The following ZFPM2 variants were observed in gnomAD, a reference collection of about 807,000 sequenced individuals.
The protein encoded by ZFPM2 is zinc finger protein, FOG family member 2.
A neutral mutation model predicts 98.6 loss-of-function variants in ZFPM2; 20 were observed. The ratio of observed to expected loss-of-function variants is 0.20; its 90% CI spans 0.14 to 0.29. The LOEUF (loss-of-function observed/expected upper bound fraction) is 0.29. ZFPM2 is among the 10% of genes least tolerant of loss of function. The pLI is 1.00. For synonymous variants in ZFPM2, 518 were observed against 502.7 expected (o/e 1.03, Z -0.41); for missense variants, 1,310 against 1,388.6 (o/e 0.94, Z 0.90).
chr8:105,636,223 T>C (rs1816844757), intron 5 of ZFPM2, among the ~76,000 whole-genome samples: 1 of 152,142 alleles, frequency 6.6e-6, no homozygotes, highest in Non-Finnish European at 1.5e-5. Context: ...TATAACAGAA[T>C]TGGAATTCTA....
intron 4 of ZFPM2, among the ~76,000 whole-genome samples, chr8:105,625,185 T>C (rs1816628718): frequency 6.6e-6 from 1 of 152,210 alleles, no homozygotes; most frequent in African/African-American, 2.4e-5. Flanking sequence ...TCACATATTT[T>C]CTAATTTAGG....
intron 4 of ZFPM2, among the ~76,000 whole-genome samples, chr8:105,611,545 C>T (rs1256668504): frequency 6.6e-6 from 1 of 152,044 alleles, no homozygotes; most frequent in East Asian, 1.9e-4. Flanking sequence ...GGCTCAAAAA[C>T]TCCAAGGATC....
chr8:105,498,152 C>G (rs1813514534), intron 3 of ZFPM2, among the ~76,000 whole-genome samples: 2 of 151,816 alleles, frequency 1.3e-5, no homozygotes, highest in South Asian at 2.1e-4. Flanking sequence ...GAGCTTTGAT[C>G]ATACCACTGC....
At chr8:105,780,965 GAAACA>G (rs1813230662) in intron 5 of ZFPM2, among the ~76,000 whole-genome samples, 1 of 152,238 alleles carries the variant, frequency 6.6e-6, no homozygotes, top group Non-Finnish European at 1.5e-5. Flanking sequence ...ACACTCCTGT[GAAACA>G]TTTGATCATC....
chr8:105,358,327 C>T (rs753746540), intron 1 of ZFPM2, among the ~76,000 whole-genome samples: 4 of 151,538 alleles, frequency 2.6e-5, no homozygotes, highest in Admixed American at 6.6e-5. Context: ...GATCTCAGCT[C>T]ACCATGCCTG....
At chr8:105,722,490 T>TTAACTACTG (rs1239462304) in intron 5 of ZFPM2, among the ~76,000 whole-genome samples, 1 of 151,928 alleles carries the variant, frequency 6.6e-6, no homozygotes, top group Non-Finnish European at 1.5e-5. Context: ...GATAACCTAC[T>TTAACTACTG]ATTGACCAAA....
intron 5 of ZFPM2, among the ~76,000 whole-genome samples, chr8:105,748,150 ACCT>A (rs1812391112): frequency 6.6e-6 from 1 of 152,058 alleles, no homozygotes. Flanking sequence ...GACCACACAC[ACCT>A]ATGATAAAAG....
chr8:105,507,673 T>C (rs1197741409), intron 3 of ZFPM2, among the ~76,000 whole-genome samples: 10 of 152,206 alleles, frequency 6.6e-5, no homozygotes, highest in Non-Finnish European at 1.2e-4. Context: ...CTAATAGAAT[T>C]ATACTGTTTC....
At chr8:105,351,098 G>A (rs1263131426) in intron 1 of ZFPM2, among the ~76,000 whole-genome samples, 3 of 150,274 alleles carry the variant, frequency 2.0e-5, no homozygotes, top group East Asian at 2.0e-4. Flanking sequence ...CAGGAGAATC[G>A]CTTGAACCTG....
chr8:105,335,461 A>T (rs1218406844), intron 1 of ZFPM2, among the ~76,000 whole-genome samples: 2 of 151,814 alleles, frequency 1.3e-5, no homozygotes, highest in Admixed American at 6.6e-5. Flanking sequence ...TTATACAATG[A>T]CTTTATGCAA....
chr8:105,386,118 G>A (rs1044626496), intron 1 of ZFPM2, among the ~76,000 whole-genome samples: 2 of 152,126 alleles, frequency 1.3e-5, no homozygotes, highest in African/African-American at 4.8e-5. Context: ...AGTAAGTGGG[G>A]GCAGGAGGGC....
chr8:105,394,996 C>CT (rs1255586962), intron 1 of ZFPM2, among the ~76,000 whole-genome samples: 1 of 152,114 alleles, frequency 6.6e-6, no homozygotes, highest in African/African-American at 2.4e-5. Flanking sequence ...TGGGTAGTGT[C>CT]TGTGACTAGA....
chr8:105,701,516 A>G (rs994505288), intron 5 of ZFPM2, among the ~76,000 whole-genome samples: 9 of 152,246 alleles, frequency 5.9e-5, no homozygotes, highest in African/African-American at 2.2e-4. Flanking sequence ...AAAAATGAAA[A>G]TGTGTCTTTA....
chr8:105,494,183 GTATATATATATATATATA>G (rs61035457), intron 3 of ZFPM2, among the ~76,000 whole-genome samples: 661 of 60,012 alleles, frequency 0.011, 28 homozygotes, highest in African/African-American at 0.031. Flanking sequence ...GCCACCAAAA[GTATATATATATATATATA>G]TATATATATA....
Position 105,802,087 on chromosome 8 carries a change from G to A in ZFPM2, c.2005G>A (p.Asp669Asn). The A allele has an allele frequency of 1.9e-6, 3 of 1,613,758 alleles. No homozygotes were observed. Among genetic ancestry groups the A allele is most frequent in the Non-Finnish European group, 1.7e-6 (2 of 1,179,844 alleles). Residue 669 changes from aspartate to asparagine, a missense_variant, in exon 8 of 8, where the codon GAT (aspartate) becomes AAT (asparagine). Physicochemically the swap from Asp to Asn is conservative, Grantham distance 23. Coordinates refer to ENST00000407775, the MANE Select transcript of ZFPM2 (RefSeq NM_012082.4). ...TGACAAAATTAATGGAAAACCTGTT[G>A]ATGTGAAAAATCCCAGTGTCCCCTT... is the stretch of plus-strand genomic sequence containing the variant. ...NDDKINGKPV[D>N]VKNPSVPLVD...
At chr8:105,663,062 G>A (rs1162554841) in intron 5 of ZFPM2, 1 of 152,194 alleles carries the variant, frequency 6.6e-6, no homozygotes, top group African/African-American at 2.4e-5. Context: ...TGCTGACATG[G>A]TGCCTGATAG....
At chr8:105,413,934 T>C (rs1811629648) in intron 1 of ZFPM2, among the ~76,000 whole-genome samples, 1 of 151,996 alleles carries the variant, frequency 6.6e-6, no homozygotes, top group African/African-American at 2.4e-5. Flanking sequence ...ATTCACCTAG[T>C]GGAATTTCTG....
Position 105,803,256 on chromosome 8 carries a change from A to G in ZFPM2, c.3174A>G (p.Pro1058=), listed in dbSNP as rs760602893. The change falls in exon 8 of 8, where the codon CCA becomes CCG. Residue 1058 remains proline (P), a synonymous_variant. Transcript: ENST00000407775. ...LKQDERPAAN[P]QQENISQNPQ... Reference sequence around the variant, plus strand: ...AAGATGAGAGACCTGCTGCCAACCCACAGCAAGAGAACATTTCCCAGAATC... The same window carrying G: ...AAGATGAGAGACCTGCTGCCAACCCGCAGCAAGAGAACATTTCCCAGAATC... 3 of 1,601,762 alleles carry G rather than the reference A, an allele frequency of 1.9e-6. No homozygotes were observed. In the Admixed American group the frequency reaches 5.1e-5, roughly 27 times the overall value.
At chr8:105,584,263 T>G (rs1390640111) in intron 4 of ZFPM2, among the ~76,000 whole-genome samples, 2 of 152,150 alleles carry the variant, frequency 1.3e-5, no homozygotes. Flanking sequence ...GATGACTAAT[T>G]CTTTTTTAAC....
Sources: gnomAD v4.1 joint callset for allele counts (sites outside exome capture counted in the v4.1 genomes callset) on GRCh38, gnomAD v4.1.1 for gene constraint, MANE v1.5 for transcripts, NCBI Gene and HGNC (gene_info 2026-07-23, HGNC 2026-07-21) for gene names.